ZP2: variants seen among roughly 807,000 people sequenced by gnomAD.
ZP2 encodes zona pellucida glycoprotein 2.
A neutral mutation model predicts 84.0 loss-of-function variants in ZP2; 51 were observed. The ratio of observed to expected loss-of-function variants is 0.61; its 90% confidence interval spans 0.49 to 0.77. The LOEUF (loss-of-function observed/expected upper bound fraction) is 0.77, where lower values mean the gene tolerates loss of function less well. Ranked by LOEUF, ZP2 falls within the 30% of genes least tolerant of loss-of-function variation. The pLI is 0.00. For synonymous variants in ZP2, 375 were observed against 330.9 expected (o/e 1.13, Z -1.45); for missense variants, 909 against 911.9 (o/e 1.00, Z 0.04).
intron 6 of ZP2, 49 bp downstream of exon 6, chr16:21,205,682 C>T: frequency 6.2e-7 from 1 of 1,611,736 alleles, no homozygotes; most frequent in East Asian, 2.2e-5. Flanking sequence ...TCACCTTTAA[C>T]ATAGAATTAA....
upstream of ZP2, among the ~76,000 whole-genome samples, chr16:21,212,127 C>T (rs1047209516): frequency 2.0e-5 from 3 of 152,054 alleles, no homozygotes; most frequent in Admixed American, 1.3e-4. Context: ...TGGGTTTCAC[C>T]GTGTTGGTCA....
At position 21,207,645 on chromosome 16, in the gene ZP2, C is replaced by CACAA. The variant is rs2093256140; in HGVS notation, c.331-656_331-655insTTGT. Reference sequence around the variant, plus strand: ...TCTATATATATATTAAACACACACACACACACACACACACACACACACACA... The same window carrying CACAA: ...TCTATATATATATTAAACACACACACACAAACACACACACACACACACACACACA... On this transcript the variant is annotated intron_variant, in intron 4 of 18. Transcript: ENST00000574091. Among the ~76,000 whole-genome samples the CACAA allele has an allele frequency of 7.0e-4, 6 of 8,530 alleles. No individual in the cohort carries two copies. In the South Asian group the frequency reaches 0.029, roughly 42 times the overall value. The allele number at this position is 8,530 out of a possible 152,430, so 5.6% of individuals were successfully genotyped here.
chr16:21,198,111 G>A (rs74778858), intron 17 of ZP2, among the ~76,000 whole-genome samples: 1 of 58,068 alleles, frequency 1.7e-5, no homozygotes, highest in Admixed American at 1.7e-4. Flanking sequence ...TTTTTTTTTT[G>A]TGGCCGGGTG....
intron 7 of ZP2, among the ~76,000 whole-genome samples, chr16:21,205,117 G>A (rs1260853756): frequency 1.3e-5 from 2 of 152,028 alleles, no homozygotes; most frequent in Non-Finnish European, 2.9e-5. Context: ...TGAGTAGTTG[G>A]GATTATAGGC....
chr16:21,203,086 G>GA (rs762473336), intron 10 of ZP2, 39 bp downstream of exon 10: 9 of 1,602,476 alleles, frequency 5.6e-6, no homozygotes, highest in African/African-American at 1.3e-5. Context: ...AGCCAAGGGA[G>GA]AAAAAAGGTA....
chr16:21,202,000 A>G lies in ZP2; in HGVS notation c.1311T>C (p.Tyr437=). ...TCCAGAGAGCATGTATTTCGTTTTC[A>G]TAGACGACTTTATCATCTTCGAACT... ...RYKFEDDKVV[Y]ENEIHALWTD... is the part of the protein sequence containing the mutation. The change falls in exon 12 of 19, where the codon TAT becomes TAC. Residue 437 remains tyrosine, a synonymous_variant. Coordinates refer to ENST00000574091, the MANE Select transcript of ZP2 (RefSeq NM_001376232.1). 1 of 1,614,136 alleles carries G rather than the reference A, an allele frequency of 6.2e-7. No homozygotes were observed. Among genetic ancestry groups the G allele is most frequent in the Non-Finnish European group, 8.5e-7 (1 of 1,179,996 alleles).
intron 14 of ZP2, 40 bp downstream of exon 14, chr16:21,201,329 T>C: frequency 2.7e-6 from 4 of 1,494,118 alleles, no homozygotes; most frequent in Non-Finnish European, 3.6e-6. Context: ...CAAGTTTTGA[T>C]GGATTAGCTG....
At chr16:21,203,282 C>T (rs751262159) in intron 9 of ZP2, 31 bp from the exon 10 acceptor site, 7 of 1,610,362 alleles carry the variant, frequency 4.3e-6, no homozygotes, top group East Asian at 2.2e-5. Context: ...TTAGCAGCCA[C>T]AGTCCGTTGG....
Position 21,205,437 on chromosome 16 carries a change from C to A in ZP2, c.676G>T (p.Gly226Ter). The A allele has an allele frequency of 1.2e-6, 2 of 1,614,086 alleles. No homozygotes were observed. Among genetic ancestry groups the A allele is most frequent in the Non-Finnish European group, 1.7e-6 (2 of 1,180,032 alleles). Residue 226 changes from glycine (G) to a stop codon, truncating the protein, a stop_gained, in exon 7 of 19, where the codon GGA becomes TGA. Coordinates refer to ENST00000574091, the MANE Select transcript of ZP2 (RefSeq NM_001376232.1). LOFTEE classifies it high-confidence loss of function. The stretch of plus-strand genomic sequence containing the variant: ...ACACCTACCACATAGTGAGTCACTC[C>A]AGTGGCATTGAATGGCACATGGAAG... ...MTFHVPFNAT[G>*]VTHYVQGNSH...
chr16:21,199,460 C>G (rs575270194), intron 16 of ZP2, 110 bp downstream of exon 16: 1 of 989,060 alleles, frequency 1.0e-6, no homozygotes, highest in Admixed American at 3.1e-5. Context: ...AACAAGAGCT[C>G]TGGGCAGTAA....
chr16:21,201,291 G>T (rs908900842), intron 14 of ZP2, 78 bp downstream of exon 14: 23 of 1,327,408 alleles, frequency 1.7e-5, no homozygotes, highest in Non-Finnish European at 2.3e-5. Context: ...CTGCTCTAAA[G>T]CCCAAGAGGG....
At chr16:21,212,354 G>A (rs371053970), upstream of ZP2, among the ~76,000 whole-genome samples, 2 of 152,160 alleles carry the variant, frequency 1.3e-5, no homozygotes, top group African/African-American at 2.4e-5. Context: ...TAAGCTTACC[G>A]CAAAGATACA....
chr16:21,209,592 T>G, intron 4 of ZP2, 39 bp downstream of exon 4: 1 of 1,594,430 alleles, frequency 6.3e-7, no homozygotes, highest in Non-Finnish European at 8.6e-7. Flanking sequence ...CTTAGGTTAC[T>G]ACGTACTTCC....
intron 4 of ZP2, among the ~76,000 whole-genome samples, chr16:21,208,989 ATCC>A (rs1318481864): frequency 6.6e-6 from 1 of 152,210 alleles, no homozygotes; most frequent in Non-Finnish European, 1.5e-5. Flanking sequence ...AGGGTTTCTC[ATCC>A]TCAACACTGA....
At position 21,203,271 on chromosome 16, in the gene ZP2, A is replaced by G. The variant is rs764717122; in HGVS notation, c.973-20T>C. The G allele has an allele frequency of 8.1e-6, 13 of 1,612,038 alleles. No individual in the cohort carries two copies. In the Admixed American group the frequency reaches 8.3e-5, roughly 10 times the overall value. ...AGATAACTGAAATGAGAAAATGTCA[A>G]TTAGCAGCCACAGTCCGTTGGGGCC... On this transcript the variant is annotated intron_variant, in intron 9 of 18. Coordinates refer to ENST00000574091, the MANE Select transcript of ZP2 (RefSeq NM_001376232.1).
rs750408330 is a variant in ZP2, at chr16:21,205,825, T to C, written c.484-50A>G. 3.1e-6 allele frequency: 5 copies of C among 1,593,934 alleles called. No individual in the cohort carries two copies. The South Asian group carries it at 5.6e-5, about 18-fold the overall frequency. ...AGACTTTGATTTGGAGGTAGATGTTTCCGAATTCATGCCAGAAATTGCTGT... is the reference window on the plus strand; with the variant it reads ...AGACTTTGATTTGGAGGTAGATGTTCCCGAATTCATGCCAGAAATTGCTGT... On this transcript the variant is annotated intron_variant, in intron 5 of 18. Coordinates refer to ENST00000574091, the MANE Select transcript of ZP2 (RefSeq NM_001376232.1).
In ZP2 at chr16:21,201,958, G is replaced by T. The variant is rs1401910591; in HGVS notation, c.1353C>A (p.Ser451Arg). Residue 451 changes from serine (S) to arginine (R), a missense_variant, in exon 12 of 19, where the codon AGC becomes AGA. Coordinates refer to ENST00000574091, the MANE Select transcript of ZP2 (RefSeq NM_001376232.1). Reference sequence around the variant, plus strand: ...TGAACTCACTGTCTCTAGATATTTTGCTTGGAGGAAAATCCGTCCAGAGAG... The same window carrying T: ...TGAACTCACTGTCTCTAGATATTTTTCTTGGAGGAAAATCCGTCCAGAGAG... ...IHALWTDFPPSKISRDSEFRM... is the reference protein window; with the variant it reads ...IHALWTDFPPRKISRDSEFRM... The T allele has an allele frequency of 3.7e-6, 6 of 1,613,902 alleles. No homozygotes were observed. The highest frequency in any genetic ancestry group is 1.1e-5 in the South Asian group (1 of 91,052).
At chr16:21,207,888 T>C (rs2152856236) in intron 4 of ZP2, among the ~76,000 whole-genome samples, 1 of 151,792 alleles carries the variant, frequency 6.6e-6, no homozygotes, top group South Asian at 2.1e-4. Context: ...ATTCTTAGTT[T>C]GAAAACCAAA....
chr16:21,204,820 C>T (rs2093242158), intron 7 of ZP2, among the ~76,000 whole-genome samples: 2 of 152,110 alleles, frequency 1.3e-5, no homozygotes, highest in Non-Finnish European at 2.9e-5. Flanking sequence ...TCATTTAGTG[C>T]AGTGTTCAGA....
Sources: gnomAD v4.1 joint callset for allele counts (sites outside exome capture counted in the v4.1 genomes callset) on GRCh38, gnomAD v4.1.1 for gene constraint, MANE v1.5 for transcripts, NCBI Gene and HGNC (gene_info 2026-07-23, HGNC 2026-07-21) for gene names.